ARSB: variants seen among roughly 807,000 people sequenced by gnomAD.
ARSB encodes arylsulfatase B, also known as N-acetylgalactosamine-4-sulfatase.
ARSB carries 41 observed loss-of-function variants against 50.9 expected under a neutral mutation model. That is an observed-to-expected ratio of 0.81 (90% CI 0.63 to 1.04). The LOEUF is 1.04. ARSB is among the 50% of genes least tolerant of loss of function. The pLI is 0.00. For synonymous variants in ARSB, 269 were observed against 284.8 expected (o/e 0.94, Z 0.56); for missense variants, 672 against 693.3 (o/e 0.97, Z 0.35).
At chr5:78,875,960 G>A (rs960665987) in intron 5 of ARSB, among the ~76,000 whole-genome samples, 5 of 151,992 alleles carry the variant, frequency 3.3e-5, no homozygotes, top group African/African-American at 1.2e-4. Context: ...AAGCCACTGC[G>A]CCTGACCTAT....
intron 4 of ARSB, among the ~76,000 whole-genome samples, chr5:78,953,525 A>C (rs1751574582): frequency 6.6e-6 from 1 of 152,244 alleles, no homozygotes; most frequent in African/African-American, 2.4e-5. Flanking sequence ...ACGTTCAATA[A>C]CTATGCCTGA....
At chr5:78,812,751 G>T (rs1743862250) in intron 6 of ARSB, among the ~76,000 whole-genome samples, 1 of 152,120 alleles carries the variant, frequency 6.6e-6, no homozygotes, top group Non-Finnish European at 1.5e-5. Context: ...CCAGCACTTT[G>T]GGAGGCTGAG....
intron 4 of ARSB, among the ~76,000 whole-genome samples, chr5:78,943,625 T>C (rs929152040): frequency 2.0e-5 from 3 of 152,238 alleles, no homozygotes; most frequent in African/African-American, 7.2e-5. Context: ...TTCTGGCTTG[T>C]AGAGTTTCTG....
intron 4 of ARSB, among the ~76,000 whole-genome samples, chr5:78,950,107 T>C (rs1468635569): frequency 6.6e-6 from 1 of 152,166 alleles, no homozygotes; most frequent in Non-Finnish European, 1.5e-5. Flanking sequence ...TCCTGGAATT[T>C]AGCAACTACA....
chr5:78,964,321 T>C, intron 3 of ARSB, 95 bp downstream of exon 3: 2 of 1,242,500 alleles, frequency 1.6e-6, no homozygotes, highest in Non-Finnish European at 1.2e-6. Context: ...ATTTATTAGA[T>C]TTTTCCCTAA....
intron 5 of ARSB, among the ~76,000 whole-genome samples, chr5:78,859,133 G>A (rs1746301476): frequency 6.6e-6 from 1 of 152,110 alleles, no homozygotes; most frequent in African/African-American, 2.4e-5. Context: ...TATTTGGTTT[G>A]TGTAAATCCC....
chr5:78,846,371 T>G (rs1054207459), intron 5 of ARSB, among the ~76,000 whole-genome samples: 1 of 152,198 alleles, frequency 6.6e-6, no homozygotes, highest in Non-Finnish European at 1.5e-5. Context: ...TAGGGTCTTT[T>G]GTGGGTGCAT....
At chr5:78,946,122 AG>A (rs1751217873) in intron 4 of ARSB, among the ~76,000 whole-genome samples, 1 of 152,258 alleles carries the variant, frequency 6.6e-6, no homozygotes, top group Non-Finnish European at 1.5e-5. Flanking sequence ...AACCGAGGCT[AG>A]ACTCTACATA....
At chr5:78,926,944 T>C (rs1303146514) in intron 4 of ARSB, among the ~76,000 whole-genome samples, 1 of 152,224 alleles carries the variant, frequency 6.6e-6, no homozygotes, top group Non-Finnish European at 1.5e-5. Flanking sequence ...TGCAATGGCA[T>C]GATCACCACT....
intron 6 of ARSB, among the ~76,000 whole-genome samples, chr5:78,800,074 T>C (rs556056982): frequency 6.6e-6 from 1 of 152,186 alleles, no homozygotes; most frequent in Admixed American, 6.5e-5. Flanking sequence ...TCCCGGCACT[T>C]TGGGAGGCCG....
chr5:78,781,812 C>G, intron 7 of ARSB, 40 bp downstream of exon 7: 1 of 1,613,634 alleles, frequency 6.2e-7, no homozygotes, highest in African/African-American at 1.3e-5. Context: ...CCTGCTTTGT[C>G]TACCACGGGA....
At chr5:78,795,127 T>G (rs2112636770) in intron 6 of ARSB, among the ~76,000 whole-genome samples, 1 of 152,324 alleles carries the variant, frequency 6.6e-6, no homozygotes, top group East Asian at 1.9e-4. Flanking sequence ...GCTATTATTG[T>G]TATCATCATC....
chr5:78,864,530 T>A (rs1746612745), intron 5 of ARSB, among the ~76,000 whole-genome samples: 1 of 152,110 alleles, frequency 6.6e-6, no homozygotes. Context: ...TGAGATCTGG[T>A]GGGGACACAG....
At chr5:78,933,693 T>G (rs963027228) in intron 4 of ARSB, among the ~76,000 whole-genome samples, 14 of 152,072 alleles carry the variant, frequency 9.2e-5, no homozygotes, top group Admixed American at 8.5e-4. Context: ...ACTAAAAAAT[T>G]TCAATCATTC....
At chr5:78,939,744 A>T (rs1240634643) in intron 4 of ARSB, among the ~76,000 whole-genome samples, 1 of 152,166 alleles carries the variant, frequency 6.6e-6, no homozygotes, top group East Asian at 1.9e-4. Context: ...ATAAACATAC[A>T]TGTGCATGTG....
At chr5:78,931,548 G>A (rs1750328791) in intron 4 of ARSB, among the ~76,000 whole-genome samples, 1 of 152,066 alleles carries the variant, frequency 6.6e-6, no homozygotes, top group Non-Finnish European at 1.5e-5. Context: ...ACTGGAAGGG[G>A]AGGAGAACTT....
At chr5:78,821,248 G>A (rs1369461743) in intron 6 of ARSB, among the ~76,000 whole-genome samples, 3 of 152,142 alleles carry the variant, frequency 2.0e-5, no homozygotes, top group African/African-American at 7.2e-5. Flanking sequence ...CTATTCTCCT[G>A]CCTCAGCCTC....
intron 6 of ARSB, among the ~76,000 whole-genome samples, chr5:78,803,819 C>A (rs1166551092): frequency 2.6e-5 from 4 of 152,260 alleles, no homozygotes; most frequent in African/African-American, 9.6e-5. Flanking sequence ...ATCTACCCTG[C>A]ACCTGTGCTG....
At chr5:78,939,225 G>C (rs1580092801) in intron 4 of ARSB, among the ~76,000 whole-genome samples, 1 of 151,802 alleles carries the variant, frequency 6.6e-6, no homozygotes, top group East Asian at 1.9e-4. Context: ...AAAACCATCA[G>C]CTTTCCTAGT....
Sources: gnomAD v4.1 joint callset for allele counts (sites outside exome capture counted in the v4.1 genomes callset) on GRCh38, gnomAD v4.1.1 for gene constraint, MANE v1.5 for transcripts, NCBI Gene and HGNC (gene_info 2026-07-23, HGNC 2026-07-21) for gene names.